PPARD: variants seen among roughly 807,000 people sequenced by gnomAD.
The protein encoded by PPARD is peroxisome proliferator activated receptor delta.
A neutral mutation model predicts 39.5 loss-of-function variants in PPARD; 6 were observed. The ratio of observed to expected loss-of-function variants is 0.15; its 90% confidence interval spans 0.08 to 0.30. PPARD has a LOEUF of 0.30. PPARD is among the 10% of genes least tolerant of loss of function. The pLI is 1.00. For synonymous variants in PPARD, 210 were observed against 231.3 expected (o/e 0.91, Z 0.83); for missense variants, 397 against 596.8 (o/e 0.67, Z 3.49).
chr6:35,382,458 T>C (rs542591355), intron 2 of PPARD, among the ~76,000 whole-genome samples: 121 of 152,362 alleles, frequency 7.9e-4, no homozygotes, highest in Admixed American at 1.2e-3. Flanking sequence ...TGGTATGCTA[T>C]AGTGTTAATT....
chr6:35,391,827 G>T (rs1764019605), intron 2 of PPARD, among the ~76,000 whole-genome samples: 1 of 152,172 alleles, frequency 6.6e-6, no homozygotes, highest in African/African-American at 2.4e-5. Flanking sequence ...GACACTCAGA[G>T]AAGTGAAGCA....
At chr6:35,421,752 C>T (rs781220613) in intron 4 of PPARD, 68 bp from the exon 5 acceptor site, 50 of 1,505,938 alleles carry the variant, frequency 3.3e-5, no homozygotes, top group African/African-American at 7.0e-5. Flanking sequence ...TATACATAAT[C>T]GGGCCCTTTG....
chr6:35,402,599 T>G (rs1164359619), intron 2 of PPARD, among the ~76,000 whole-genome samples: 1 of 152,144 alleles, frequency 6.6e-6, no homozygotes, highest in Non-Finnish European at 1.5e-5. Context: ...GTGGGTGGCC[T>G]CCTGGCTGTC....
At position 35,370,600 on chromosome 6, in the gene PPARD, C is replaced by T. The variant is rs77389848; in HGVS notation, c.-102+23450C>T. Among the ~76,000 whole-genome samples, 1,473 of 151,876 alleles carry T rather than the reference C, an allele frequency of 9.7e-3. 6 individuals are homozygous for T. Among genetic ancestry groups the T allele is most frequent in the Middle Eastern group, 0.017 (5 of 294 alleles). Reference sequence around the variant, plus strand: ...ATGAGTCACCCACTGGCCACAGTCCCTGCTCCTCTCCACACACTTCCTGTC... The same window carrying T: ...ATGAGTCACCCACTGGCCACAGTCCTTGCTCCTCTCCACACACTTCCTGTC... On this transcript the variant is annotated intron_variant, in intron 2 of 7. Coordinates refer to ENST00000360694, the MANE Select transcript of PPARD (RefSeq NM_006238.5).
At chr6:35,355,390 A>G (rs1413479617) in intron 2 of PPARD, among the ~76,000 whole-genome samples, 3 of 151,700 alleles carry the variant, frequency 2.0e-5, no homozygotes, top group African/African-American at 7.3e-5. Context: ...CGTCTCTACA[A>G]AAAATACAAA....
chr6:35,417,453 T>A (rs1468534175), intron 3 of PPARD, among the ~76,000 whole-genome samples: 1 of 145,704 alleles, frequency 6.9e-6, no homozygotes, highest in Non-Finnish European at 1.5e-5. Flanking sequence ...ACCCAACTAT[T>A]TTTTTTTTTT....
At chr6:35,388,758 C>T (rs529122876) in intron 2 of PPARD, among the ~76,000 whole-genome samples, 13 of 152,038 alleles carry the variant, frequency 8.6e-5, no homozygotes, top group South Asian at 4.2e-4. Context: ...AAAGGGGAGG[C>T]GGGCATTTCA....
chr6:35,414,258 A>T (rs985082078), intron 3 of PPARD, among the ~76,000 whole-genome samples: 1 of 152,124 alleles, frequency 6.6e-6, no homozygotes, highest in African/African-American at 2.4e-5. Flanking sequence ...TAAAATCCTT[A>T]TGTTTCATAG....
chr6:35,376,418 G>A (rs1056391905), intron 2 of PPARD, among the ~76,000 whole-genome samples: 7 of 151,628 alleles, frequency 4.6e-5, no homozygotes, highest in African/African-American at 1.7e-4. Context: ...TCTTATTTCT[G>A]ATTCTTGGGA....
Position 35,366,643 on chromosome 6 carries a change from G to A in PPARD, c.-102+19493G>A, listed in dbSNP as rs1395027760. On this transcript the variant is annotated intron_variant, in intron 2 of 7. Transcript: ENST00000360694. This position sits in a 1 kb window ranked among gnomAD's most constrained non-coding sequence, Gnocchi z 4.6. ...CGGCTCACTGCAACCTCTGCCTCCC[G>A]GGTTCAAGCAATTCTAGTGCCTCAG... 4.0e-5 allele frequency among the ~76,000 whole-genome samples: 6 copies of A among 151,726 alleles called. No individual in the cohort carries two copies. The highest frequency in any genetic ancestry group is 2.1e-4 in the South Asian group (1 of 4,814).
At chr6:35,345,085 G>T (rs977129861) in intron 1 of PPARD, among the ~76,000 whole-genome samples, 1 of 152,158 alleles carries the variant, frequency 6.6e-6, no homozygotes, top group African/African-American at 2.4e-5. Context: ...CCTTAGTAGT[G>T]CTCTCTGCTG....
At chr6:35,403,785 G>C (rs1309104728) in intron 2 of PPARD, among the ~76,000 whole-genome samples, 1 of 151,750 alleles carries the variant, frequency 6.6e-6, no homozygotes, top group African/African-American at 2.4e-5. Context: ...TCCCGGAAGA[G>C]GAGGTGCAGA....
chr6:35,396,043 A>G (rs968250656), intron 2 of PPARD, among the ~76,000 whole-genome samples: 11 of 152,054 alleles, frequency 7.2e-5, no homozygotes, highest in Admixed American at 4.6e-4. Flanking sequence ...ATTTGGTATG[A>G]CCTGCTTACC....
intron 2 of PPARD, among the ~76,000 whole-genome samples, chr6:35,407,249 C>T (rs1168411750): frequency 1.3e-5 from 2 of 152,224 alleles, no homozygotes; most frequent in Non-Finnish European, 2.9e-5. Context: ...TGGCTCTCAT[C>T]ACCACAGCCT....
At position 35,364,686 on chromosome 6, in the gene PPARD, G is replaced by A. The variant is rs1005488856; in HGVS notation, c.-102+17536G>A. ...ACTCCTGACCTCAGGCAATCTCCCC[G>A]CCTTGGCCTCCCAAGTGTTACTCTT... On this transcript the variant is annotated intron_variant, in intron 2 of 7. Coordinates refer to ENST00000360694, the MANE Select transcript of PPARD (RefSeq NM_006238.5). 2.6e-5 allele frequency among the ~76,000 whole-genome samples: 4 copies of A among 150,994 alleles called. No individual in the cohort carries two copies. In the East Asian group the frequency reaches 5.8e-4, roughly 22 times the overall value.
At chr6:35,355,583 TTTCTTCTTC>T (rs1213702796) in intron 2 of PPARD, among the ~76,000 whole-genome samples, 5 of 107,498 alleles carry the variant, frequency 4.7e-5, no homozygotes, top group South Asian at 3.0e-4. Context: ...AAAAAAGTGC[TTTCTTCTTC>T]TTCTTCTTTT....
At chr6:35,391,806 A>T (rs1764017349) in intron 2 of PPARD, among the ~76,000 whole-genome samples, 2 of 152,210 alleles carry the variant, frequency 1.3e-5, no homozygotes, top group Non-Finnish European at 2.9e-5. Context: ...GACTGTACGT[A>T]TAAGGAAATA....
chr6:35,347,723 C>A (rs1028652795), intron 2 of PPARD, among the ~76,000 whole-genome samples: 1 of 151,942 alleles, frequency 6.6e-6, no homozygotes. Context: ...CTTCTCCTGT[C>A]TCAGCCTCCC....
intron 3 of PPARD, among the ~76,000 whole-genome samples, chr6:35,415,436 A>T (rs999838487): frequency 6.6e-6 from 1 of 152,238 alleles, no homozygotes; most frequent in Non-Finnish European, 1.5e-5. Flanking sequence ...GAGGCTAGAT[A>T]TGCAGGAGAG....
Sources: gnomAD v4.1 joint callset for allele counts (sites outside exome capture counted in the v4.1 genomes callset) on GRCh38, gnomAD v4.1.1 for gene constraint, Gnocchi (gnomAD v3.1) non-coding constraint, MANE v1.5 for transcripts, NCBI Gene and HGNC (gene_info 2026-07-23, HGNC 2026-07-21) for gene names.